Variants in TEP1 observed in about 807,000 individuals in gnomAD.
TEP1 encodes telomerase protein component 1.
TEP1 carries 241 observed loss-of-function variants against 306.3 expected under a neutral mutation model. The ratio of observed to expected loss-of-function variants is 0.79; its 90% CI spans 0.71 to 0.88. TEP1 has a LOEUF of 0.88. TEP1 is among the 40% of genes least tolerant of loss of function. The pLI, the probability that TEP1 is intolerant of heterozygous loss-of-function variation, is 0.00. For synonymous variants in TEP1, 1,289 were observed against 1,305.5 expected (o/e 0.99, Z 0.27); for missense variants, 3,051 against 3,276.1 (o/e 0.93, Z 1.68).
chr14:20,395,358 C>T (rs962545098), intron 12 of TEP1, 92 bp downstream of exon 12: 31 of 1,352,906 alleles, frequency 2.3e-5, no homozygotes, highest in South Asian at 1.7e-4. Context: ...CAAACCTTTA[C>T]AGAAAAACAG....
rs1177305521 is a variant in TEP1 at position 20,408,411 on chromosome 14, G to A, written c.29C>T (p.Ala10Val). The change falls in exon 2 of 55, where the codon GCC becomes GTC. Residue 10 changes from alanine to valine, a missense_variant. Around this residue, in one of 3 missense-constraint regions of TEP1, gnomAD observed 1,507 missense variants for 1,550.5 expected, o/e 0.97. Coordinates refer to ENST00000262715, the MANE Select transcript of TEP1 (RefSeq NM_007110.5). ...CTCCAAGGAGAGGATGTCTGGATGGGCAGACACATGCCCATGGAGTTTTTC... is the reference window on the plus strand; with the variant it reads ...CTCCAAGGAGAGGATGTCTGGATGGACAGACACATGCCCATGGAGTTTTTC... MEKLHGHVS[A>V]HPDILSLENR... is the part of the protein sequence containing the mutation. 1.6e-5 allele frequency: 26 copies of A among 1,613,606 alleles called. 1 individual carries two copies. Among genetic ancestry groups the A allele is most frequent in the Non-Finnish European group, 2.2e-5 (26 of 1,179,978 alleles).
Position 20,376,128 on chromosome 14 carries a change from G to C in TEP1, c.6225C>G (p.Ser2075Arg), listed in dbSNP as rs761427965. Residue 2075 changes from serine to arginine, a missense_variant, in exon 42 of 55, where the codon AGC (serine) becomes AGG (arginine). Coordinates refer to ENST00000262715, the MANE Select transcript of TEP1 (RefSeq NM_007110.5). Reference sequence around the variant, plus strand: ...CCCGATCCCGGCCCCCGGTGGCCAGGCTGCCTCCATCAGTGCTGAAACTAC... The same window carrying C: ...CCCGATCCCGGCCCCCGGTGGCCAGCCTGCCTCCATCAGTGCTGAAACTAC... ...SCCSFSTDGG[S>R]LATGGRDRSL... 32 of 1,614,000 alleles carry C rather than the reference G, an allele frequency of 2.0e-5. No homozygotes were observed. The highest frequency in any genetic ancestry group is 4.0e-5 in the African/African-American group (3 of 74,930).
rs1316826007 is a variant in TEP1, at chr14:20,395,841, G to A, written c.1750+18C>T. The A allele has an allele frequency of 1.9e-6, 3 of 1,609,894 alleles. No individual in the cohort carries two copies. In the Admixed American group the frequency reaches 5.0e-5, roughly 27 times the overall value. The stretch of plus-strand genomic sequence containing the variant: ...AGATGTGGGAGGCAAAGAGGAGTTG[G>A]AAGAAAGGGGAGAATACCTTGATTT... On this transcript the variant is annotated intron_variant, in intron 11 of 54. Coordinates refer to ENST00000262715, the MANE Select transcript of TEP1 (RefSeq NM_007110.5).
chr14:20,383,152 C>T (rs767504650), intron 27 of TEP1, 22 bp downstream of exon 27: 14 of 1,559,974 alleles, frequency 9.0e-6, no homozygotes, highest in East Asian at 2.2e-5. Flanking sequence ...ACACACCCAC[C>T]GGCCCCGGCC....
chr14:20,395,408 C>G (rs781734235), intron 12 of TEP1, 42 bp downstream of exon 12: 1 of 1,521,772 alleles, frequency 6.6e-7, no homozygotes, highest in South Asian at 1.3e-5. Flanking sequence ...GCCAGGGTAG[C>G]CCCGATTGCC....
chr14:20,369,242 T>C (rs1019076533), intron 53 of TEP1, 102 bp downstream of exon 53: 2 of 1,178,090 alleles, frequency 1.7e-6, no homozygotes, highest in African/African-American at 3.0e-5. Context: ...TCTCCTGACC[T>C]CATTATCTGC....
intron 1 of TEP1, among the ~76,000 whole-genome samples, chr14:20,408,842 A>C (rs1008094430): frequency 4.0e-5 from 6 of 151,330 alleles, no homozygotes; most frequent in East Asian, 1.9e-4. Flanking sequence ...TAAAAAAAAA[A>C]ACAACAAAAA....
intron 53 of TEP1, among the ~76,000 whole-genome samples, 166 bp from the exon 54 acceptor site, chr14:20,369,068 C>A (rs1337867192): frequency 6.6e-6 from 1 of 151,518 alleles, no homozygotes; most frequent in African/African-American, 2.4e-5. Flanking sequence ...AGTGCAGTGG[C>A]GCAATCTCGG....
At chr14:20,404,885 C>A in intron 4 of TEP1, 113 bp from the exon 5 acceptor site, 2 of 1,266,222 alleles carry the variant, frequency 1.6e-6, no homozygotes, top group Non-Finnish European at 1.1e-6. Context: ...GAGCCCTCCA[C>A]GTTGTCCACA....
Position 20,405,517 on chromosome 14 carries a change from G to A in TEP1, c.804C>T (p.Pro268=), listed in dbSNP as rs2139193565. 1 of 1,614,180 alleles carries A rather than the reference G, an allele frequency of 6.2e-7. No individual in the cohort carries two copies. Residue 268 remains proline (P), a synonymous_variant, in exon 4 of 55, where the codon CCC becomes CCT. Coordinates refer to ENST00000262715, the MANE Select transcript of TEP1 (RefSeq NM_007110.5). ...SEVNMNNTSD[P]TLAAIFEICR... ...AGATTTCAAAAATGGCAGCCAGGGT[G>A]GGGTCAGATGTATTGTTCATGTTTA...
intron 33 of TEP1, 73 bp from the exon 34 acceptor site, chr14:20,380,548 A>G (rs1594335271): frequency 6.5e-7 from 1 of 1,530,210 alleles, no homozygotes; most frequent in East Asian, 2.3e-5. Context: ...ATAAAACCAT[A>G]TGGTGTGTCT....
At position 20,381,906 on chromosome 14, in the gene TEP1, C is replaced by A; in HGVS notation, c.4424+7G>T. 6.2e-7 allele frequency: 1 copy of A among 1,613,644 alleles called. No homozygotes were observed. The highest frequency in any genetic ancestry group is 1.1e-5 in the South Asian group (1 of 91,036). ...GGTCAGCGGGAGCTCTGCTGGGGCA[C>A]CTGTACCTGCGCAGACTCTGGACGA... On this transcript the variant is annotated splice_region_variant and intron_variant, in intron 30 of 54. Coordinates refer to ENST00000262715, the MANE Select transcript of TEP1 (RefSeq NM_007110.5). This position sits in a 1 kb window ranked among gnomAD's most constrained non-coding sequence, Gnocchi z 4.0.
Position 20,375,830 on chromosome 14 carries a change from A to C in TEP1, c.6288T>G (p.Pro2096=). Residue 2096 remains proline (P), a synonymous_variant, in exon 43 of 55, where the codon CCT becomes CCG. Transcript: ENST00000262715. ...AGGCAGGGAAGGAGTGGATCAAAAC[A>C]GGGGTTTTGGGTGTCCTCACGTCCC... ...LCWDVRTPKT[P]VLIHSFPACH... 1 of 1,613,644 alleles carries C rather than the reference A, an allele frequency of 6.2e-7. No individual in the cohort carries two copies. The highest frequency in any genetic ancestry group is 8.5e-7 in the Non-Finnish European group (1 of 1,179,920).
intron 54 of TEP1, 84 bp downstream of exon 54, chr14:20,368,714 C>CT: frequency 6.5e-7 from 1 of 1,538,216 alleles, no homozygotes; most frequent in Non-Finnish European, 8.9e-7. Context: ...CTTTCTTACT[C>CT]TAAGTTTGCT....
intron 7 of TEP1, among the ~76,000 whole-genome samples, chr14:20,402,046 C>A (rs1461558339): frequency 2.0e-5 from 3 of 152,154 alleles, no homozygotes; most frequent in African/African-American, 7.2e-5. Flanking sequence ...GAGGCCAAGG[C>A]AGGTGGATCA....
rs765330712 is a variant in TEP1 at position 20,378,541 on chromosome 14, G to A, written c.5353-6C>T. ...CCACGGACTGTGTCCCACAGCTGAGGGAGAGAGAGGAGGAATCAGGATGCT... is the reference window on the plus strand; with the variant it reads ...CCACGGACTGTGTCCCACAGCTGAGAGAGAGAGAGGAGGAATCAGGATGCT... On this transcript the variant is annotated splice_region_variant and splice_polypyrimidine_tract_variant and intron_variant, in intron 37 of 54. Transcript: ENST00000262715. The A allele has an allele frequency of 6.2e-7, 1 of 1,614,112 alleles. No homozygotes were observed. The highest frequency in any genetic ancestry group is 8.5e-7 in the Non-Finnish European group (1 of 1,180,016).
Position 20,372,824 on chromosome 14 carries a change from A to G in TEP1, c.6985T>C (p.Ser2329Pro), listed in dbSNP as rs1346760539. The G allele has an allele frequency of 6.2e-7, 1 of 1,614,190 alleles. No individual in the cohort carries two copies. The highest frequency in any genetic ancestry group is 1.3e-5 in the African/African-American group (1 of 75,042). Reference sequence around the variant, plus strand: ...CTGAGGACAAAAAAGGTGTGTGCCGAGGACCAGATCAGAGCACCAATGTGG... The same window carrying G: ...CTGAGGACAAAAAAGGTGTGTGCCGGGGACCAGATCAGAGCACCAATGTGG... ...PGHIGALIWS[S>P]AHTFFVLSAD... Residue 2329 changes from serine to proline, a missense_variant, in exon 49 of 55, where the codon TCG becomes CCG. Transcript: ENST00000262715.
chr14:20,368,214 T>C lies in TEP1; in HGVS notation c.*223A>G. 1 of 393,066 alleles carries C rather than the reference T, an allele frequency of 2.5e-6. No individual in the cohort carries two copies. Among genetic ancestry groups the C allele is most frequent in the Non-Finnish European group, 4.5e-6 (1 of 223,870 alleles). The allele number at this position is 393,066 out of a possible 1,614,324, so 24.3% of individuals were successfully genotyped here. A position where few individuals can be genotyped will look rare whatever the true frequency, so the allele number is the denominator to read the frequency against. ...GGTTCTAGTAAGGATTAATGTTGAA[T>C]AAGAAGAGACACACATTAGAATGTA... On this transcript the variant is annotated 3_prime_UTR_variant, in exon 55 of 55. Transcript: ENST00000262715.
intron 41 of TEP1, 140 bp from the exon 42 acceptor site, chr14:20,376,404 C>T (rs1018259083): frequency 1.0e-5 from 9 of 899,582 alleles, no homozygotes; most frequent in Non-Finnish European, 1.3e-5. Context: ...CAGGGAGTCA[C>T]AAGGCTGTGG....
Sources: allele counts gnomAD v4.1 joint callset (sites outside exome capture counted in the v4.1 genomes callset), GRCh38; gene constraint gnomAD v4.1.1; regional missense constraint gnomAD v4.1.1; non-coding constraint Gnocchi (gnomAD v3.1); transcripts MANE v1.5; gene names NCBI Gene and HGNC (gene_info 2026-07-23, HGNC 2026-07-21).